Variants in SPATA16 observed in about 807,000 individuals in gnomAD.
SPATA16 encodes the protein spermatogenesis-associated protein 16.
A neutral mutation model predicts 63.3 loss-of-function variants in SPATA16; 36 were observed. That is an observed-to-expected ratio of 0.57 (90% CI 0.44 to 0.75). The LOEUF is 0.75. Among genes scored for constraint, SPATA16 ranks in the 30% least tolerant of loss-of-function variants. SPATA16 has a pLI of 0.00. For synonymous variants in SPATA16, 203 were observed against 216.7 expected, an observed-to-expected ratio of 0.94 and a Z score of 0.56; for missense variants, 646 against 679.3, an observed-to-expected ratio of 0.95 and a Z score of 0.54.
intron 3 of SPATA16, among the ~76,000 whole-genome samples, chr3:173,046,760 A>G (rs1365203327): frequency 1.3e-5 from 2 of 151,972 alleles, no homozygotes; most frequent in African/African-American, 2.4e-5. Flanking sequence ...TGTTGACTAT[A>G]TTTCAGACTG....
At chr3:173,037,161 G>A (rs1383766417) in intron 3 of SPATA16, among the ~76,000 whole-genome samples, 1 of 151,982 alleles carries the variant, frequency 6.6e-6, no homozygotes, top group African/African-American at 2.4e-5. Context: ...AGATGAAGAA[G>A]CACATGGAAC....
At chr3:172,904,368 G>T (rs1207910307) in intron 10 of SPATA16, among the ~76,000 whole-genome samples, 1 of 152,136 alleles carries the variant, frequency 6.6e-6, no homozygotes. Context: ...ATTTTATTAG[G>T]TACATGTGAA....
chr3:173,087,408 CTA>C (rs1278458456), intron 2 of SPATA16, among the ~76,000 whole-genome samples: 6 of 152,130 alleles, frequency 3.9e-5, no homozygotes, highest in Non-Finnish European at 5.9e-5. Flanking sequence ...TATTTTGAGC[CTA>C]TGTGTGTCTT....
intron 2 of SPATA16, among the ~76,000 whole-genome samples, chr3:173,106,490 C>A (rs1393026049): frequency 6.6e-6 from 1 of 152,172 alleles, no homozygotes; most frequent in Non-Finnish European, 1.5e-5. Context: ...CCTGTAGTAA[C>A]CAGCACAATG....
chr3:173,006,258 A>G (rs542103526), intron 4 of SPATA16, among the ~76,000 whole-genome samples: 9 of 152,334 alleles, frequency 5.9e-5, no homozygotes, highest in East Asian at 1.9e-4. Context: ...TATCATGTCT[A>G]TCTTCCAGTG....
rs1446773053 is a variant in SPATA16 at position 172,961,073 on chromosome 3, C to CCTTTCTTCCTTT, written c.934-4250_934-4249insAAAGGAAGAAAG. Among the ~76,000 whole-genome samples the CCTTTCTTCCTTT allele has an allele frequency of 1.4e-3, 121 of 87,388 alleles. 7 individuals carry two copies. The highest frequency in any genetic ancestry group is 4.9e-3 in the African/African-American group (118 of 24,088). The allele number at this position is 87,388 out of a possible 152,430, so 57.3% of individuals were successfully genotyped here. A position where few individuals can be genotyped will look rare whatever the true frequency, so the allele number is the denominator to read the frequency against. ...CTTCTTTCTTTCTTTCTTCTTTCTT[C>CCTTTCTTCCTTT]CTTCCTTCCTTCCTTCCTTCCTTCC... On this transcript the variant is annotated intron_variant, in intron 5 of 10. Transcript: ENST00000351008.
At chr3:173,063,710 C>T (rs575430497) in intron 2 of SPATA16, among the ~76,000 whole-genome samples, 6 of 152,130 alleles carry the variant, frequency 3.9e-5, no homozygotes, top group East Asian at 3.9e-4. Context: ...TTTATATTTC[C>T]ATTAATTAAA....
chr3:172,979,185 C>T (rs996053105), intron 4 of SPATA16, among the ~76,000 whole-genome samples: 9 of 151,804 alleles, frequency 5.9e-5, no homozygotes, highest in African/African-American at 7.3e-5. Context: ...TGCAGTGAGC[C>T]GAGATCGCGC....
Position 173,028,005 on chromosome 3 carries a change from CCCTCCCTCCCTTCCTTCTTT to C in SPATA16, c.759-8450_759-8431del, listed in dbSNP as rs1450945814. On this transcript the variant is annotated intron_variant, in intron 3 of 10. Transcript: ENST00000351008. ...TCCCTCCCTCCCTCCCTCCCTCCCT[CCCTCCCTCCCTTCCTTCTTT>C]CCTTCCTTCCTTCCTTCCTTCCTTC... is the stretch of plus-strand genomic sequence containing the variant. 3.6e-3 allele frequency among the ~76,000 whole-genome samples: 208 copies of C among 58,422 alleles called. 1 individual carries two copies. Among genetic ancestry groups the C allele is most frequent in the African/African-American group, 0.017 (187 of 11,102 alleles). The allele number at this position is 58,422 out of a possible 152,430, so 38.3% of individuals were successfully genotyped here.
intron 5 of SPATA16, among the ~76,000 whole-genome samples, chr3:172,973,529 A>G (rs1446078289): frequency 1.1e-4 from 16 of 152,140 alleles, no homozygotes; most frequent in Admixed American, 7.9e-4. Flanking sequence ...TTCACATTAC[A>G]TGAGTTAAAG....
intron 3 of SPATA16, among the ~76,000 whole-genome samples, chr3:173,048,474 A>G (rs1736006134): frequency 6.6e-6 from 1 of 152,110 alleles, no homozygotes; most frequent in Admixed American, 6.6e-5. Context: ...TTTTAAGGAC[A>G]GAGATAAAAA....
At chr3:172,889,802 G>A in intron 10 of SPATA16, 110 bp from the exon 11 acceptor site, 1 of 1,439,518 alleles carries the variant, frequency 6.9e-7, no homozygotes, top group East Asian at 2.3e-5. Context: ...AATCCATGTT[G>A]GAACAGAACT....
At chr3:172,945,314 A>C (rs1733254405) in intron 6 of SPATA16, among the ~76,000 whole-genome samples, 1 of 152,098 alleles carries the variant, frequency 6.6e-6, no homozygotes, top group Non-Finnish European at 1.5e-5. Flanking sequence ...TAAGAACATC[A>C]AAGAGCTAAT....
At position 172,938,028 on chromosome 3, in the gene SPATA16, A is replaced by G. The variant is rs969788521; in HGVS notation, c.1082-12536T>C. On this transcript the variant is annotated intron_variant, in intron 6 of 10. Transcript: ENST00000351008. The stretch of plus-strand genomic sequence containing the variant: ...GGAAATCTCAGATGAAGCAGCTGAT[A>G]TGTTTCATATGCAAGCCACGTAAGA... 2.0e-5 allele frequency among the ~76,000 whole-genome samples: 3 copies of G among 152,184 alleles called. 1 individual carries two copies. In the South Asian group the frequency reaches 6.2e-4, roughly 32 times the overall value.
intron 6 of SPATA16, among the ~76,000 whole-genome samples, chr3:172,946,110 A>C (rs779122166): frequency 6.6e-6 from 1 of 152,190 alleles, no homozygotes; most frequent in Non-Finnish European, 1.5e-5. Context: ...CCTGAGCTGG[A>C]AGGGAACCTG....
chr3:173,046,243 C>T (rs764517856), intron 3 of SPATA16, among the ~76,000 whole-genome samples: 5 of 151,930 alleles, frequency 3.3e-5, no homozygotes, highest in African/African-American at 7.2e-5. Flanking sequence ...AGAGTCTGAG[C>T]ATTACTTTTG....
At chr3:173,027,419 A>G (rs995856016) in intron 3 of SPATA16, among the ~76,000 whole-genome samples, 3 of 151,826 alleles carry the variant, frequency 2.0e-5, no homozygotes, top group Non-Finnish European at 4.4e-5. Flanking sequence ...TCTTTGCCCT[A>G]TTGTACTGTT....
intron 2 of SPATA16, among the ~76,000 whole-genome samples, chr3:173,084,719 G>T (rs9857178): frequency 0.039 from 6,003 of 152,042 alleles, 398 homozygotes; most frequent in African/African-American, 0.14. Context: ...AAGGGTCCAG[G>T]TTCAATTTTC....
rs895074853 is a variant in SPATA16 at position 173,023,203 on chromosome 3, C to T, written c.759-3628G>A. Among the ~76,000 whole-genome samples the T allele has an allele frequency of 2.7e-5, 4 of 150,312 alleles. No individual in the cohort carries two copies. The East Asian group carries it at 7.8e-4, about 29-fold the overall frequency. On this transcript the variant is annotated intron_variant, in intron 3 of 10. Transcript: ENST00000351008. ...TTTTATTAAGCCCTAAATTTGTACA[C>T]TGATGAGGCTCGAATATAAGTCTAT...
Sources: gnomAD v4.1 joint callset for allele counts (sites outside exome capture counted in the v4.1 genomes callset) on GRCh38, gnomAD v4.1.1 for gene constraint, MANE v1.5 for transcripts, NCBI Gene and HGNC (gene_info 2026-07-23, HGNC 2026-07-21) for gene names.